Variants in EGF observed in about 807,000 individuals in gnomAD.
The protein encoded by EGF is epidermal growth factor.
A neutral mutation model predicts 143.8 loss-of-function variants in EGF; 95 were observed. That is an observed-to-expected ratio of 0.66 (90% CI 0.56 to 0.78). The LOEUF (loss-of-function observed/expected upper bound fraction) is 0.78, where lower values mean the gene tolerates loss of function less well. EGF is among the 30% of genes least tolerant of loss of function. The pLI is 0.00. For synonymous variants in EGF, 510 were observed against 510.5 expected (o/e 1.00, Z 0.01); for missense variants, 1,320 against 1,470.9 (o/e 0.90, Z 1.68).
chr4:109,998,277 A>G (rs1485974568), intron 20 of EGF, among the ~76,000 whole-genome samples: 1 of 152,258 alleles, frequency 6.6e-6, no homozygotes, highest in Non-Finnish European at 1.5e-5. Flanking sequence ...AGCATCCAAG[A>G]AAGCCTGCAA....
In EGF at chr4:109,945,022, A is replaced by C. The variant is rs4698755; in HGVS notation, c.738-51A>C. 0.36 allele frequency: 568,701 copies of C among 1,575,682 alleles called. 104,584 individuals carry two copies. The highest frequency in any genetic ancestry group is 0.51 in the East Asian group (22,924 of 44,544). The stretch of plus-strand genomic sequence containing the variant: ...TGAAATGAAGTGAAATTCTAATAAG[A>C]CAAGGAACAAATGTTCTGTTGTTCT... On this transcript the variant is annotated intron_variant, in intron 4 of 23. Transcript: ENST00000265171.
chr4:109,963,587 T>C (rs190053627), intron 9 of EGF, among the ~76,000 whole-genome samples: 1 of 152,338 alleles, frequency 6.6e-6, no homozygotes, highest in East Asian at 1.9e-4. Flanking sequence ...TAAAACACTT[T>C]ATAGTTAAGA....
intron 21 of EGF, among the ~76,000 whole-genome samples, chr4:110,000,274 G>A (rs968616155): frequency 6.1e-5 from 9 of 146,890 alleles, no homozygotes; most frequent in Admixed American, 2.7e-4. Context: ...AAAAAAAGGT[G>A]AAATAACAGT....
At chr4:109,984,246 C>CAA (rs35632667) in intron 16 of EGF, among the ~76,000 whole-genome samples, 4,660 of 136,886 alleles carry the variant, frequency 0.034, 236 homozygotes, top group East Asian at 0.16. Flanking sequence ...ATGTATGTGG[C>CAA]AAAAAAAAAA....
chr4:109,923,553 TA>T (rs1249412796), intron 1 of EGF, among the ~76,000 whole-genome samples: 1 of 151,512 alleles, frequency 6.6e-6, no homozygotes, highest in Admixed American at 6.6e-5. Flanking sequence ...TAGTGTCACT[TA>T]GGGGGAAGTT....
intron 1 of EGF, among the ~76,000 whole-genome samples, chr4:109,919,312 TCTCTCTC>T (rs1560623141): frequency 5.4e-4 from 79 of 146,650 alleles, no homozygotes; most frequent in African/African-American, 1.7e-3. Flanking sequence ...TCTCTCTCTC[TCTCTCTC>T]TCTCTCTCTC....
intron 21 of EGF, chr4:110,001,554 T>C: frequency 2.1e-6 from 2 of 957,672 alleles, no homozygotes; most frequent in African/African-American, 3.5e-5. Flanking sequence ...AACTAGAAAC[T>C]TAAGTTCATG....
At chr4:109,935,940 G>A (rs1326708821) in intron 1 of EGF, among the ~76,000 whole-genome samples, 5 of 152,210 alleles carry the variant, frequency 3.3e-5, no homozygotes, top group African/African-American at 7.2e-5. Flanking sequence ...TGCTGGATCC[G>A]GTTTGCCAGT....
chr4:109,991,059 T>C (rs1309123162), intron 18 of EGF, among the ~76,000 whole-genome samples: 1 of 152,196 alleles, frequency 6.6e-6, no homozygotes, highest in East Asian at 1.9e-4. Context: ...GGTTAGTCAC[T>C]GAGGTTTCAC....
At position 110,011,589 on chromosome 4, in the gene EGF, G is replaced by A; in HGVS notation, c.*134G>A. 7.5e-7 allele frequency: 1 copy of A among 1,342,090 alleles called. No homozygotes were observed. The highest frequency in any genetic ancestry group is 1.4e-5 in the African/African-American group (1 of 68,972). 83.1% of individuals were successfully genotyped at this position (1,342,090 alleles called of 1,614,324 possible). A position where few individuals can be genotyped will look rare whatever the true frequency, so the allele number is the denominator to read the frequency against. Reference sequence around the variant, plus strand: ...ACTAATCACCTACTCAATGCCTGGAGACAGATACGTAGTTGTGCTTTTGTT... The same window carrying A: ...ACTAATCACCTACTCAATGCCTGGAAACAGATACGTAGTTGTGCTTTTGTT... On this transcript the variant is annotated 3_prime_UTR_variant, in exon 24 of 24. Transcript: ENST00000265171.
chr4:109,965,669 T>G (rs1746439363), intron 10 of EGF, among the ~76,000 whole-genome samples: 1 of 152,116 alleles, frequency 6.6e-6, no homozygotes, highest in Non-Finnish European at 1.5e-5. Flanking sequence ...TCTTATTTTC[T>G]TGCTACTCAA....
chr4:109,938,968 A>G (rs959192369), intron 1 of EGF, among the ~76,000 whole-genome samples: 6 of 152,226 alleles, frequency 3.9e-5, no homozygotes, highest in Non-Finnish European at 8.8e-5. Context: ...GTGAGGCTAC[A>G]CAGGCTCAGG....
At chr4:109,922,839 A>G (rs1738024859) in intron 1 of EGF, among the ~76,000 whole-genome samples, 1 of 151,820 alleles carries the variant, frequency 6.6e-6, no homozygotes, top group South Asian at 2.1e-4. Context: ...TAATTCTTGT[A>G]AAATGCTTAG....
chr4:109,994,943 A>G (rs1425369834), intron 20 of EGF, 63 bp downstream of exon 20: 2 of 1,605,540 alleles, frequency 1.2e-6, no homozygotes, highest in African/African-American at 1.3e-5. Flanking sequence ...CTTGTAGCTA[A>G]TTTGTAAAAT....
chr4:109,958,341 G>C (rs528547340), intron 5 of EGF, among the ~76,000 whole-genome samples: 1 of 152,296 alleles, frequency 6.6e-6, no homozygotes, highest in South Asian at 2.1e-4. Flanking sequence ...AGGGCCAACT[G>C]TAGGTGTTAC....
Position 110,012,403 on chromosome 4 carries a change from A to C in EGF, c.*948A>C. On this transcript the variant is annotated 3_prime_UTR_variant, in exon 24 of 24. Coordinates refer to ENST00000265171, the MANE Select transcript of EGF (RefSeq NM_001963.6). ...TTTTCCGGAGAGAGGATAGGATCTC[A>C]CTCTGTTATCCAGGCTGGAGTGTGC... is the stretch of plus-strand genomic sequence containing the variant. 1 of 149,024 alleles carries C rather than the reference A, an allele frequency of 6.7e-6. No homozygotes were observed. The highest frequency in any genetic ancestry group is 3.4e-3 in the Middle Eastern group (1 of 290). The allele number at this position is 149,024 out of a possible 1,614,324, so 9.2% of individuals were successfully genotyped here.
rs1379364440 is a variant in EGF, at chr4:110,002,159, C to T, written c.3173+2313C>T. ...ACCATTCCTTGCCTGTCTTGTCTAGCTTGTTTGATACCGTTTGTCTTCTGT... is the reference window on the plus strand; with the variant it reads ...ACCATTCCTTGCCTGTCTTGTCTAGTTTGTTTGATACCGTTTGTCTTCTGT... On this transcript the variant is annotated intron_variant, in intron 21 of 23. Coordinates refer to ENST00000265171, the MANE Select transcript of EGF (RefSeq NM_001963.6). The T allele has an allele frequency of 5.6e-6, 3 of 539,828 alleles. No individual in the cohort carries two copies. The African/African-American group carries it at 6.2e-5, about 11-fold the overall frequency. 33.4% of individuals were successfully genotyped at this position (539,828 alleles called of 1,614,324 possible). A position where few individuals can be genotyped will look rare whatever the true frequency, so the allele number is the denominator to read the frequency against.
rs530824137 is a variant in EGF at position 109,992,918 on chromosome 4, T to A, written c.2735-329T>A. On this transcript the variant is annotated intron_variant, in intron 18 of 23. Coordinates refer to ENST00000265171, the MANE Select transcript of EGF (RefSeq NM_001963.6). ...ACAATGAGAACACTTGGACACAGGG[T>A]GGGGAACATCACACACAGGGGCCTG... is the stretch of plus-strand genomic sequence containing the variant. Among the ~76,000 whole-genome samples, 306 of 115,644 alleles carry A rather than the reference T, an allele frequency of 2.6e-3. 3 individuals carry two copies. The highest frequency in any genetic ancestry group is 2.6e-3 in the Non-Finnish European group (156 of 59,384). The allele number at this position is 115,644 out of a possible 152,430, so 75.9% of individuals were successfully genotyped here. A position where few individuals can be genotyped will look rare whatever the true frequency, so the allele number is the denominator to read the frequency against.
At chr4:109,967,400 G>A (rs1746776580) in intron 10 of EGF, among the ~76,000 whole-genome samples, 1 of 152,128 alleles carries the variant, frequency 6.6e-6, no homozygotes, top group Admixed American at 6.6e-5. Flanking sequence ...ATTGGTTTAT[G>A]TGTCTGTTTT....
Sources: allele counts gnomAD v4.1 joint callset (sites outside exome capture counted in the v4.1 genomes callset), GRCh38; gene constraint gnomAD v4.1.1; transcripts MANE v1.5; gene names NCBI Gene and HGNC (gene_info 2026-07-23, HGNC 2026-07-21).